CHRM4: variants seen among roughly 807,000 people sequenced by gnomAD.
The protein encoded by CHRM4 is muscarinic acetylcholine receptor M4.
CHRM4 carries 5 observed loss-of-function variants against 26.3 expected under a neutral mutation model. The ratio of observed to expected loss-of-function variants is 0.19; its 90% CI spans 0.10 to 0.40. The LOEUF (loss-of-function observed/expected upper bound fraction) is 0.40, where lower values mean the gene tolerates loss of function less well. Ranked by LOEUF, CHRM4 falls within the 10% of genes least tolerant of loss-of-function variation. The pLI, the probability that CHRM4 is intolerant of heterozygous loss-of-function variation, is 1.00. For synonymous variants in CHRM4, 290 were observed against 285.3 expected (o/e 1.02, Z -0.16); for missense variants, 402 against 664.5 (o/e 0.60, Z 4.34).
chr11:46,385,065 T>TC lies in CHRM4; in HGVS notation c.*52dup. 2 of 1,507,878 alleles carry TC rather than the reference T, an allele frequency of 1.3e-6. No individual in the cohort carries two copies. The highest frequency in any genetic ancestry group is 1.8e-6 in the Non-Finnish European group (2 of 1,120,824). 93.4% of individuals were successfully genotyped at this position (1,507,878 alleles called of 1,614,324 possible). A position where few individuals can be genotyped will look rare whatever the true frequency, so the allele number is the denominator to read the frequency against. On this transcript the variant is annotated 3_prime_UTR_variant, in exon 2 of 2. Transcript: ENST00000682254. The surrounding 1 kb of genome is among the most constrained non-coding windows in gnomAD (Gnocchi z 6.3). ...TCCCCACAGCAAGTGAGCCGTGTGG[T>TC]CCCCCCAGCACACGCACGCAACACC...
At chr11:46,389,051 A>T (rs1312057823) in intron 1 of CHRM4, among the ~76,000 whole-genome samples, 1 of 152,202 alleles carries the variant, frequency 6.6e-6, no homozygotes, top group African/African-American at 2.4e-5. Flanking sequence ...CCTCTTATAG[A>T]TGAGGATAAT....
Position 46,386,692 on chromosome 11 carries a change from G to T in CHRM4, c.-29-106C>A. ...ACAGAGGGACATTCTCTGGCAGAAT[G>T]CCTTGAGAGAACTCTGTCCCGCCAT... is the stretch of plus-strand genomic sequence containing the variant. On this transcript the variant is annotated intron_variant, in intron 1 of 1. Transcript: ENST00000682254. This position sits in a 1 kb window ranked among gnomAD's most constrained non-coding sequence, Gnocchi z 5.8. The T allele has an allele frequency of 4.4e-6, 5 of 1,131,764 alleles. No individual in the cohort carries two copies. The highest frequency in any genetic ancestry group is 6.2e-6 in the Non-Finnish European group (5 of 802,286). The allele number at this position is 1,131,764 out of a possible 1,614,324, so 70.1% of individuals were successfully genotyped here.
In CHRM4 at chr11:46,391,451, C is replaced by A. The variant is rs1382653843; in HGVS notation, c.-30+80G>T. Among the ~76,000 whole-genome samples, 1 of 152,070 alleles carries A rather than the reference C, an allele frequency of 6.6e-6. No homozygotes were observed. Among genetic ancestry groups the A allele is most frequent in the Non-Finnish European group, 1.5e-5 (1 of 67,958 alleles). ...CCCCCGGCCTTGCTTCCAGCGGGGTCCCCCAGCCCCGGCCCACTGCCGCTC... is the reference window on the plus strand; with the variant it reads ...CCCCCGGCCTTGCTTCCAGCGGGGTACCCCAGCCCCGGCCCACTGCCGCTC... On this transcript the variant is annotated intron_variant, in intron 1 of 1. Coordinates refer to ENST00000682254, the MANE Select transcript of CHRM4 (RefSeq NM_000741.5). The surrounding 1 kb of genome is among the most constrained non-coding windows in gnomAD (Gnocchi z 6.3).
intron 1 of CHRM4, among the ~76,000 whole-genome samples, chr11:46,388,045 C>T (rs1264031276): frequency 6.6e-6 from 1 of 152,198 alleles, no homozygotes; most frequent in East Asian, 1.9e-4. Flanking sequence ...CTCTCCTCCC[C>T]CTCTTCCTCT....
Position 46,384,852 on chromosome 11 carries a change from A to C in CHRM4, c.*266T>G, listed in dbSNP as rs1590680952. Among the ~76,000 whole-genome samples, 1 of 152,300 alleles carries C rather than the reference A, an allele frequency of 6.6e-6. No homozygotes were observed. The highest frequency in any genetic ancestry group is 1.9e-4 in the East Asian group (1 of 5,174). ...GTTGGTCACAGTGGGGCAGGTGCCC[A>C]CCCAGGCCAGTGCCCCGCAGCTCGC... On this transcript the variant is annotated 3_prime_UTR_variant, in exon 2 of 2. Coordinates refer to ENST00000682254, the MANE Select transcript of CHRM4 (RefSeq NM_000741.5).
chr11:46,385,661 G>T lies in CHRM4; in HGVS notation c.897C>A (p.Gly299=). 1.3e-6 allele frequency: 2 copies of T among 1,535,706 alleles called. No homozygotes were observed. The highest frequency in any genetic ancestry group is 2.0e-5 in the Admixed American group (1 of 49,208). The change falls in exon 2 of 2, where the codon GGC becomes GGA. Residue 299 remains glycine, a synonymous_variant. Coordinates refer to ENST00000682254, the MANE Select transcript of CHRM4 (RefSeq NM_000741.5). This position sits in a 1 kb window ranked among gnomAD's most constrained non-coding sequence, Gnocchi z 6.3. The stretch of plus-strand genomic sequence containing the variant: ...GTTCCTTGGTGTTCTGGGTGGCACT[G>T]CCTGAGCTGGACTCATTGGAAGTGT... ...DKDTSNESSS[G]SATQNTKERP... is the part of the protein sequence containing the mutation.
chr11:46,388,246 G>C (rs942279215), intron 1 of CHRM4, among the ~76,000 whole-genome samples: 10 of 152,248 alleles, frequency 6.6e-5, no homozygotes, highest in African/African-American at 2.4e-4. Flanking sequence ...GAGAGGGCGC[G>C]GCAGCCGGCT....
At position 46,385,957 on chromosome 11, in the gene CHRM4, TG is replaced by T. The variant is rs1419432096; in HGVS notation, c.600del (p.Ile201LeufsTer11). 2 of 1,612,726 alleles carry T rather than the reference TG, an allele frequency of 1.2e-6. No individual in the cohort carries two copies. Among genetic ancestry groups the T allele is most frequent in the Non-Finnish European group, 1.7e-6 (2 of 1,179,716 alleles). ...LSNPAVTFGT[A>X]IAAFYLPVVI... ...ACCACAGGCAGGTAGAAGGCAGCAATGGCTGTGCCAAAGGTCACTGCTGGGT... is the reference window on the plus strand; with the variant it reads ...ACCACAGGCAGGTAGAAGGCAGCAATGCTGTGCCAAAGGTCACTGCTGGGT... On this transcript the variant is annotated frameshift_variant, in exon 2 of 2. Transcript: ENST00000682254. LOFTEE classifies it high-confidence loss of function. The surrounding 1 kb of genome is among the most constrained non-coding windows in gnomAD (Gnocchi z 6.3).
Position 46,385,070 on chromosome 11 carries a change from C to T in CHRM4, c.*48G>A. On this transcript the variant is annotated 3_prime_UTR_variant, in exon 2 of 2. Coordinates refer to ENST00000682254, the MANE Select transcript of CHRM4 (RefSeq NM_000741.5). This position sits in a 1 kb window ranked among gnomAD's most constrained non-coding sequence, Gnocchi z 6.3. ...ACAGCAAGTGAGCCGTGTGGTCCCC[C>T]CAGCACACGCACGCAACACCAGCAC... The T allele has an allele frequency of 1.3e-6, 2 of 1,522,576 alleles. No individual in the cohort carries two copies. The highest frequency in any genetic ancestry group is 1.3e-5 in the South Asian group (1 of 79,334). The allele number at this position is 1,522,576 out of a possible 1,614,324, so 94.3% of individuals were successfully genotyped here. A position where few individuals can be genotyped will look rare whatever the true frequency, so the allele number is the denominator to read the frequency against.
chr11:46,386,435 G>A lies in CHRM4; in HGVS notation c.123C>T (p.Ser41=), dbSNP rs372213840. ...EMVFIATVTG[S]LSLVTVVGNI... ...TGCCCACGACAGTCACCAGGCTCAGGGAGCCTGTCACTGTGGCAATGAAGA... is the reference window on the plus strand; with the variant it reads ...TGCCCACGACAGTCACCAGGCTCAGAGAGCCTGTCACTGTGGCAATGAAGA... Residue 41 remains serine, a synonymous_variant, in exon 2 of 2, where the codon TCC becomes TCT. Transcript: ENST00000682254. The surrounding 1 kb of genome is among the most constrained non-coding windows in gnomAD (Gnocchi z 5.8). 3 of 1,613,806 alleles carry A rather than the reference G, an allele frequency of 1.9e-6. No homozygotes were observed. Among genetic ancestry groups the A allele is most frequent in the Non-Finnish European group, 2.5e-6 (3 of 1,179,904 alleles).
At chr11:46,388,413 G>C (rs1411433160) in intron 1 of CHRM4, among the ~76,000 whole-genome samples, 1 of 152,228 alleles carries the variant, frequency 6.6e-6, no homozygotes, top group Non-Finnish European at 1.5e-5. Context: ...ACCTAAACTT[G>C]ATCTCTATAC....
In CHRM4 at chr11:46,385,703, G is replaced by A. The variant is rs1481917097; in HGVS notation, c.855C>T (p.Arg285=). 1 of 1,559,728 alleles carries A rather than the reference G, an allele frequency of 6.4e-7. No homozygotes were observed. The highest frequency in any genetic ancestry group is 8.7e-7 in the Non-Finnish European group (1 of 1,154,718). ...TGGAAGTGTCCTTATCAGCCACGGG[G>A]CGCGGTGGCGGTGGCAGCGCTGGCG... ...APPPALPPPP[R]PVADKDTSNE... Residue 285 remains arginine (R), a synonymous_variant, in exon 2 of 2, where the codon CGC becomes CGT. Transcript: ENST00000682254. The surrounding 1 kb of genome is among the most constrained non-coding windows in gnomAD (Gnocchi z 6.3).
chr11:46,383,925 TTGG>T lies in CHRM4; in HGVS notation c.*1190_*1192del, dbSNP rs1308139935. On this transcript the variant is annotated 3_prime_UTR_variant, in exon 2 of 2. Coordinates refer to ENST00000682254, the MANE Select transcript of CHRM4 (RefSeq NM_000741.5). ...TAGGGACTGGTGGGTTTCAGGGGGC[TTGG>T]TGGTGGGTGCTCTCCAGAGCTCATG... is the stretch of plus-strand genomic sequence containing the variant. 6.3e-6 allele frequency: 2 copies of T among 317,414 alleles called. No homozygotes were observed. The highest frequency in any genetic ancestry group is 9.3e-5 in the Admixed American group (2 of 21,616). 19.7% of individuals were successfully genotyped at this position (317,414 alleles called of 1,614,324 possible).
In CHRM4 at chr11:46,385,858, G is replaced by A. The variant is rs763352627; in HGVS notation, c.700C>T (p.Pro234Ser). ...AGCGTCTTGGCTTTCTTCTCCTTCG[G>A]GCCCTCGGGCCGGTGCTTGTGGACT... ...SRVHKHRPEG[P>S]KEKKAKTLAF... is the part of the protein sequence containing the mutation. The change falls in exon 2 of 2, where the codon CCG becomes TCG. Residue 234 changes from proline (P) to serine (S), a missense_variant. Pro to Ser is a moderately conservative substitution (Grantham distance 74). Transcript: ENST00000682254. The surrounding 1 kb of genome is among the most constrained non-coding windows in gnomAD (Gnocchi z 6.3). 5.0e-6 allele frequency: 8 copies of A among 1,607,066 alleles called. No homozygotes were observed. Among genetic ancestry groups the A allele is most frequent in the Non-Finnish European group, 5.9e-6 (7 of 1,177,166 alleles).
rs960291467 is a variant in CHRM4, at chr11:46,385,604, G to A, written c.954C>T (p.Ala318=). ...RPATELSTTE[A]TTPAMPAPPL... is the part of the protein sequence containing the mutation. ...GAGGGGCGGGCATGGCGGGCGTGGT[G>A]GCCTCTGTGGTGGACAGCTCTGTGG... The change falls in exon 2 of 2, where the codon GCC becomes GCT. Residue 318 remains alanine (A), a synonymous_variant. Coordinates refer to ENST00000682254, the MANE Select transcript of CHRM4 (RefSeq NM_000741.5). The surrounding 1 kb of genome is among the most constrained non-coding windows in gnomAD (Gnocchi z 6.3). The A allele has an allele frequency of 3.2e-6, 5 of 1,547,304 alleles. No individual in the cohort carries two copies. The Admixed American group carries it at 9.3e-5, about 29-fold the overall frequency.
intron 1 of CHRM4, among the ~76,000 whole-genome samples, chr11:46,387,295 C>T (rs1433510536): frequency 6.6e-6 from 1 of 152,172 alleles, no homozygotes; most frequent in Non-Finnish European, 1.5e-5. Context: ...AAAAAAGTGT[C>T]TATTTATTTA....
Position 46,386,422 on chromosome 11 carries a change from T to C in CHRM4, c.136A>G (p.Thr46Ala). The change falls in exon 2 of 2, where the codon ACT (threonine) becomes GCT (alanine). Residue 46 changes from threonine to alanine, a missense_variant. Physicochemically the swap from Thr to Ala is moderately conservative, Grantham distance 58. Around this residue, in one of 5 missense-constraint regions of CHRM4, gnomAD observed 92 missense variants for 133.1 expected, o/e 0.69. Transcript: ENST00000682254. The surrounding 1 kb of genome is among the most constrained non-coding windows in gnomAD (Gnocchi z 5.8). ...ATVTGSLSLV[T>A]VVGNILVMLS... ...ATCACCAGGATGTTGCCCACGACAGTCACCAGGCTCAGGGAGCCTGTCACT... is the reference window on the plus strand; with the variant it reads ...ATCACCAGGATGTTGCCCACGACAGCCACCAGGCTCAGGGAGCCTGTCACT... 2 of 1,613,916 alleles carry C rather than the reference T, an allele frequency of 1.2e-6. No homozygotes were observed. The highest frequency in any genetic ancestry group is 1.7e-6 in the Non-Finnish European group (2 of 1,179,880).
chr11:46,385,735 C>T lies in CHRM4; in HGVS notation c.823G>A (p.Ala275Thr). 1 of 1,582,486 alleles carries T rather than the reference C, an allele frequency of 6.3e-7. No individual in the cohort carries two copies. The highest frequency in any genetic ancestry group is 1.1e-5 in the South Asian group (1 of 87,024). The stretch of plus-strand genomic sequence containing the variant: ...GGCGGTGGCAGCGCTGGCGGGGGGG[C>T]CTCCTCCAGCTTGCCATTGCGCAGC... ...EELRNGKLEE[A>T]PPPALPPPPR... Residue 275 changes from alanine (A) to threonine (T), a missense_variant, in exon 2 of 2, where the codon GCC becomes ACC. Ala to Thr is a moderately conservative substitution (Grantham distance 58). This residue lies in a region of CHRM4 where 205 missense variants were observed against 244.0 expected (regional missense o/e 0.84). Coordinates refer to ENST00000682254, the MANE Select transcript of CHRM4 (RefSeq NM_000741.5). The surrounding 1 kb of genome is among the most constrained non-coding windows in gnomAD (Gnocchi z 6.3).
chr11:46,390,521 G>A (rs1481628542), intron 1 of CHRM4, among the ~76,000 whole-genome samples: 1 of 152,266 alleles, frequency 6.6e-6, no homozygotes, highest in Non-Finnish European at 1.5e-5. Context: ...CAGAGCTCGG[G>A]TCAGGCGAGT....
Sources: allele counts gnomAD v4.1 joint callset (sites outside exome capture counted in the v4.1 genomes callset), GRCh38; gene constraint gnomAD v4.1.1; regional missense constraint gnomAD v4.1.1; non-coding constraint Gnocchi (gnomAD v3.1); transcripts MANE v1.5; gene names NCBI Gene and HGNC (gene_info 2026-07-23, HGNC 2026-07-21).